The following ADCK1 variants were observed in gnomAD, a reference collection of about 807,000 sequenced individuals.
The protein encoded by ADCK1 is aarF domain-containing protein kinase 1.
ADCK1 carries 41 observed loss-of-function variants against 52.3 expected under a neutral mutation model. The ratio of observed to expected loss-of-function variants is 0.78; its 90% CI spans 0.61 to 1.02. The LOEUF is 1.02. Ranked by LOEUF, ADCK1 falls within the 50% of genes least tolerant of loss-of-function variation. ADCK1 has a pLI of 0.00. For missense variants in ADCK1, 658 were observed against 679.5 expected (o/e 0.97, Z 0.35); for synonymous variants, 250 against 274.6 (o/e 0.91, Z 0.89).
At chr14:77,836,217 C>T (rs1157037316) in intron 3 of ADCK1, among the ~76,000 whole-genome samples, 1 of 152,236 alleles carries the variant, frequency 6.6e-6, no homozygotes, top group African/African-American at 2.4e-5. Flanking sequence ...CCCAGCAAGA[C>T]GGCCCTTGCC....
At chr14:77,878,458 G>A (rs972702493) in intron 4 of ADCK1, among the ~76,000 whole-genome samples, 4 of 152,206 alleles carry the variant, frequency 2.6e-5, no homozygotes, top group Non-Finnish European at 5.9e-5. Flanking sequence ...ATTGACCCAA[G>A]CTCAAATTCA....
intron 4 of ADCK1, among the ~76,000 whole-genome samples, chr14:77,884,168 G>A (rs1049946328): frequency 2.0e-4 from 30 of 152,208 alleles, no homozygotes; most frequent in African/African-American, 6.5e-4. Context: ...TGGGAGTCAG[G>A]TGGAGGCTTG....
At chr14:77,886,945 C>A (rs909774798) in intron 4 of ADCK1, 146 bp from the exon 5 acceptor site, 1 of 674,770 alleles carries the variant, frequency 1.5e-6, no homozygotes, top group Non-Finnish European at 2.1e-6. Context: ...CACACACGCA[C>A]AACACACACA....
rs763438207 is a variant in ADCK1, at chr14:77,817,598, A to G, written c.-11-1370A>G. 3.3e-5 allele frequency among the ~76,000 whole-genome samples: 5 copies of G among 152,236 alleles called. 1 individual carries two copies. Among genetic ancestry groups the G allele is most frequent in the Non-Finnish European group, 7.3e-5 (5 of 68,044 alleles). ...GGGAAAGGTCACATTGACCAGGAGT[A>G]TGAATTTGAACAGATCAAATCAGCA... On this transcript the variant is annotated intron_variant, in intron 1 of 10. Transcript: ENST00000238561.
intron 3 of ADCK1, among the ~76,000 whole-genome samples, chr14:77,841,156 C>T (rs1165054119): frequency 6.6e-6 from 1 of 152,170 alleles, no homozygotes; most frequent in African/African-American, 2.4e-5. Flanking sequence ...GAAGCCAGCC[C>T]TGGAGAGGGA....
intron 1 of ADCK1, among the ~76,000 whole-genome samples, chr14:77,817,741 T>C (rs1287422572): frequency 1.4e-5 from 2 of 145,934 alleles, no homozygotes; most frequent in Non-Finnish European, 3.0e-5. Context: ...GTAGTCTTCT[T>C]TTTTTTTTTT....
chr14:77,813,389 C>T (rs1191573363), intron 1 of ADCK1, among the ~76,000 whole-genome samples: 1 of 152,222 alleles, frequency 6.6e-6, no homozygotes, highest in Non-Finnish European at 1.5e-5. Context: ...CAGCTCACTG[C>T]AACCTCCGTC....
At chr14:77,886,664 C>T (rs1456290953) in intron 4 of ADCK1, among the ~76,000 whole-genome samples, 1 of 152,250 alleles carries the variant, frequency 6.6e-6, no homozygotes, top group East Asian at 1.9e-4. Context: ...TGCAGTGGCT[C>T]ACGCCTGTAA....
intron 3 of ADCK1, among the ~76,000 whole-genome samples, chr14:77,838,700 G>C (rs546324085): frequency 1.3e-5 from 2 of 152,102 alleles, no homozygotes; most frequent in African/African-American, 4.8e-5. Flanking sequence ...ACCTGCTCCC[G>C]CTCCAGTTTT....
At chr14:77,924,367 T>G in intron 7 of ADCK1, 90 bp from the exon 8 acceptor site, 1 of 1,538,336 alleles carries the variant, frequency 6.5e-7, no homozygotes, top group South Asian at 1.2e-5. Context: ...TGGCCTCCCC[T>G]TAAAAGTGAC....
chr14:77,896,649 G>A (rs1002262079), intron 5 of ADCK1, among the ~76,000 whole-genome samples: 4 of 152,220 alleles, frequency 2.6e-5, no homozygotes, highest in Non-Finnish European at 5.9e-5. Context: ...GCACTGTGAC[G>A]AGATTTGATG....
intron 3 of ADCK1, among the ~76,000 whole-genome samples, chr14:77,825,197 T>C (rs2081667241): frequency 6.6e-6 from 1 of 152,168 alleles, no homozygotes; most frequent in Non-Finnish European, 1.5e-5. Flanking sequence ...GATCAGGGAT[T>C]GAGTCTTTGA....
In ADCK1 at chr14:77,907,873, T is replaced by C. The variant is rs200132502; in HGVS notation, c.812T>C (p.Val271Ala). Reference sequence around the variant, plus strand: ...ATGGAGTTTGTGGATGGCGGGCAGGTCAATGACAGAGACTACATGGAGAGG... The same window carrying C: ...ATGGAGTTTGTGGATGGCGGGCAGGCCAATGACAGAGACTACATGGAGAGG... ...LLMEFVDGGQ[V>A]NDRDYMERNK... The change falls in exon 7 of 11, where the codon GTC becomes GCC. Residue 271 changes from valine (V) to alanine (A), a missense_variant. Coordinates refer to ENST00000238561, the MANE Select transcript of ADCK1 (RefSeq NM_020421.4). 56 of 1,613,860 alleles carry C rather than the reference T, an allele frequency of 3.5e-5. 1 individual carries two copies. The Middle Eastern group carries it at 6.6e-4, about 19-fold the overall frequency.
chr14:77,919,240 C>A (rs1263762130), intron 7 of ADCK1, among the ~76,000 whole-genome samples: 2 of 152,192 alleles, frequency 1.3e-5, no homozygotes, highest in Middle Eastern at 3.2e-3. Flanking sequence ...TTATCCCTCA[C>A]CCTTCTCCCC....
At chr14:77,877,316 T>G (rs2082922565) in intron 4 of ADCK1, among the ~76,000 whole-genome samples, 1 of 152,236 alleles carries the variant, frequency 6.6e-6, no homozygotes, top group African/African-American at 2.4e-5. Context: ...TTTTGCTACC[T>G]CCTGAAGCCC....
chr14:77,928,618 C>G (rs1322632503), intron 9 of ADCK1, among the ~76,000 whole-genome samples: 2 of 152,038 alleles, frequency 1.3e-5, no homozygotes, highest in Non-Finnish European at 2.9e-5. Flanking sequence ...TGTGCCACCA[C>G]ACCTGGCTAA....
chr14:77,889,017 C>G (rs927976552), intron 5 of ADCK1, among the ~76,000 whole-genome samples: 4 of 152,136 alleles, frequency 2.6e-5, no homozygotes, highest in Non-Finnish European at 5.9e-5. Context: ...GTTCTCATGA[C>G]AGTGACTAAG....
At chr14:77,931,747 C>A in intron 10 of ADCK1, 36 bp downstream of exon 10, 3 of 1,581,860 alleles carry the variant, frequency 1.9e-6, no homozygotes, top group Non-Finnish European at 2.6e-6. Flanking sequence ...CCCCTCCTAG[C>A]CCCCTGGCCT....
chr14:77,865,886 C>T (rs969915467), intron 4 of ADCK1, among the ~76,000 whole-genome samples: 2 of 152,150 alleles, frequency 1.3e-5, no homozygotes, highest in African/African-American at 2.4e-5. Context: ...GGGCAGTAAA[C>T]GTTAATAATT....
Sources: gnomAD v4.1 joint callset for allele counts (sites outside exome capture counted in the v4.1 genomes callset) on GRCh38, gnomAD v4.1.1 for gene constraint, MANE v1.5 for transcripts, NCBI Gene and HGNC (gene_info 2026-07-23, HGNC 2026-07-21) for gene names.